Variants in RAPGEF4 observed in about 807,000 individuals in gnomAD.
The protein encoded by RAPGEF4 is Rap guanine nucleotide exchange factor 4.
Under a neutral mutation model 147.9 loss-of-function variants are expected in RAPGEF4, and 66 were observed. That is an observed-to-expected ratio of 0.45 (90% CI 0.37 to 0.55). The LOEUF is 0.55. Among genes scored for constraint, RAPGEF4 ranks in the 20% least tolerant of loss-of-function variants. The pLI is 0.00. For missense variants in RAPGEF4, 1,071 were observed against 1,257.3 expected (o/e 0.85, Z 2.24); for synonymous variants, 419 against 442.7 (o/e 0.95, Z 0.67).
chr2:172,755,832 A>G (rs937202562), intron 1 of RAPGEF4, among the ~76,000 whole-genome samples: 2 of 152,202 alleles, frequency 1.3e-5, no homozygotes, highest in African/African-American at 4.8e-5. Flanking sequence ...AAACTAGGAA[A>G]TTGGCATCAG....
rs376846033 is a variant in RAPGEF4, at chr2:173,019,797, A to G, written c.2156-821A>G. Among the ~76,000 whole-genome samples, 5 of 152,304 alleles carry G rather than the reference A, an allele frequency of 3.3e-5. No homozygotes were observed. In the South Asian group the frequency reaches 6.2e-4, roughly 19 times the overall value. ...TTCTTTCAGTCTTTACCCAAATGTC[A>G]GTGTCTCACTGAAGCTCCCTCCTTC... On this transcript the variant is annotated intron_variant, in intron 22 of 30. Coordinates refer to ENST00000397081, the MANE Select transcript of RAPGEF4 (RefSeq NM_007023.4).
rs1182895139 is a variant in RAPGEF4, at chr2:172,835,097, C to T, written c.444+20672C>T. On this transcript the variant is annotated intron_variant, in intron 4 of 30. Transcript: ENST00000397081. Reference sequence around the variant, plus strand: ...CACTGAGATCAAACTGCTCTCTTTCCTCTGCTCCTGGTGCCTTTTCTCTGC... The same window carrying T: ...CACTGAGATCAAACTGCTCTCTTTCTTCTGCTCCTGGTGCCTTTTCTCTGC... Among the ~76,000 whole-genome samples the T allele has an allele frequency of 4.6e-5, 7 of 152,312 alleles. No individual in the cohort carries two copies. In the East Asian group the frequency reaches 1.3e-3, roughly 29 times the overall value.
At chr2:172,784,342 C>A (rs573123234) in intron 1 of RAPGEF4, among the ~76,000 whole-genome samples, 1 of 152,024 alleles carries the variant, frequency 6.6e-6, no homozygotes, top group Non-Finnish European at 1.5e-5. Context: ...CACATTGAAA[C>A]CCCATCTCCA....
At chr2:172,839,047 A>G (rs1162046020) in intron 4 of RAPGEF4, among the ~76,000 whole-genome samples, 2 of 152,008 alleles carry the variant, frequency 1.3e-5, no homozygotes, top group Admixed American at 1.3e-4. Flanking sequence ...CCCCTCCCCT[A>G]AAAGATCAGC....
At chr2:173,016,546 G>A in intron 19 of RAPGEF4, 109 bp downstream of exon 19, 1 of 882,446 alleles carries the variant, frequency 1.1e-6, no homozygotes, top group Non-Finnish European at 1.8e-6. Context: ...TGCCCCGCTT[G>A]ATTTGATTTA....
chr2:173,018,448 G>A (rs1695707777), intron 21 of RAPGEF4, among the ~76,000 whole-genome samples: 1 of 152,092 alleles, frequency 6.6e-6, no homozygotes, highest in African/African-American at 2.4e-5. Flanking sequence ...ATTGGACTTG[G>A]CAACCATATG....
intron 6 of RAPGEF4, among the ~76,000 whole-genome samples, chr2:172,947,259 G>C (rs1024229578): frequency 4.6e-5 from 7 of 152,318 alleles, no homozygotes; most frequent in Admixed American, 6.5e-5. Context: ...GGTACAGCTA[G>C]TATTTAAATA....
At position 172,837,114 on chromosome 2, in the gene RAPGEF4, CAAG is replaced by C. The variant is rs1464536306; in HGVS notation, c.444+22692_444+22694del. Reference sequence around the variant, plus strand: ...CATTACCATTTATTACTGTGTATGTCAAGAACCATGTTGGGTGTGTGTGTGTAT... The same window carrying C: ...CATTACCATTTATTACTGTGTATGTCAACCATGTTGGGTGTGTGTGTGTAT... On this transcript the variant is annotated intron_variant, in intron 4 of 30. Coordinates refer to ENST00000397081, the MANE Select transcript of RAPGEF4 (RefSeq NM_007023.4). Among the ~76,000 whole-genome samples, 11 of 152,220 alleles carry C rather than the reference CAAG, an allele frequency of 7.2e-5. No individual in the cohort carries two copies. The East Asian group carries it at 2.1e-3, about 29-fold the overall frequency.
chr2:173,005,609 G>A (rs559646643), intron 17 of RAPGEF4, among the ~76,000 whole-genome samples: 2 of 129,748 alleles, frequency 1.5e-5, no homozygotes, highest in East Asian at 2.7e-4. Flanking sequence ...TGCAACCTCC[G>A]CCTCCTGGGT....
intron 4 of RAPGEF4, among the ~76,000 whole-genome samples, chr2:172,834,272 A>G (rs189924008): frequency 2.0e-5 from 3 of 152,328 alleles, no homozygotes; most frequent in Admixed American, 6.5e-5. Flanking sequence ...TTGTGCCTCA[A>G]TCTTATCATC....
chr2:172,890,592 G>C (rs1313009800), intron 4 of RAPGEF4, among the ~76,000 whole-genome samples: 1 of 152,062 alleles, frequency 6.6e-6, no homozygotes, highest in Admixed American at 6.6e-5. Flanking sequence ...ACCAGGTTAC[G>C]TTTCTCTCCT....
intron 1 of RAPGEF4, among the ~76,000 whole-genome samples, chr2:172,765,824 C>T (rs1471742808): frequency 6.6e-6 from 1 of 152,184 alleles, no homozygotes; most frequent in Non-Finnish European, 1.5e-5. Context: ...AGTGGGAGGC[C>T]CAGCTGAACG....
At chr2:172,739,288 T>C (rs1391476778) in intron 1 of RAPGEF4, among the ~76,000 whole-genome samples, 1 of 152,184 alleles carries the variant, frequency 6.6e-6, no homozygotes, top group Non-Finnish European at 1.5e-5. Context: ...AATTACATAG[T>C]TCCCACTATT....
chr2:173,040,421 T>A (rs1684617088), intron 29 of RAPGEF4, among the ~76,000 whole-genome samples: 1 of 152,188 alleles, frequency 6.6e-6, no homozygotes, highest in African/African-American at 2.4e-5. Flanking sequence ...TTCAGGTTGA[T>A]GTCAATGCCA....
chr2:172,802,893 C>T (rs1033234816), intron 3 of RAPGEF4, among the ~76,000 whole-genome samples: 3 of 152,238 alleles, frequency 2.0e-5, no homozygotes, highest in African/African-American at 7.2e-5. Context: ...TGAAATCCAG[C>T]AGGGCAGTCA....
chr2:173,033,998 G>C (rs774695165), intron 27 of RAPGEF4, 34 bp downstream of exon 27: 1 of 1,572,126 alleles, frequency 6.4e-7, no homozygotes, highest in Non-Finnish European at 8.6e-7. Context: ...TCTGTTCACT[G>C]TCTACATTAA....
At chr2:172,791,507 A>C (rs1402502495) in intron 1 of RAPGEF4, among the ~76,000 whole-genome samples, 1 of 152,240 alleles carries the variant, frequency 6.6e-6, no homozygotes, top group Non-Finnish European at 1.5e-5. Flanking sequence ...GGTAGTTTCC[A>C]GAGATCGAAT....
chr2:172,979,692 G>A (rs970082451), intron 10 of RAPGEF4, among the ~76,000 whole-genome samples: 1 of 152,172 alleles, frequency 6.6e-6, no homozygotes, highest in Non-Finnish European at 1.5e-5. Flanking sequence ...AATTACCATA[G>A]CAGTAAGACC....
intron 10 of RAPGEF4, among the ~76,000 whole-genome samples, chr2:172,975,456 G>A (rs1690969924): frequency 6.6e-6 from 1 of 152,156 alleles, no homozygotes; most frequent in South Asian, 2.1e-4. Flanking sequence ...TCAATACCAA[G>A]TGCCTTTCTC....
Sources: allele counts gnomAD v4.1 joint callset (sites outside exome capture counted in the v4.1 genomes callset), GRCh38; gene constraint gnomAD v4.1.1; transcripts MANE v1.5; gene names NCBI Gene and HGNC (gene_info 2026-07-23, HGNC 2026-07-21).